The following SLC27A6 variants were observed in gnomAD, a reference collection of about 807,000 sequenced individuals.
SLC27A6 encodes the protein solute carrier family 27 member 6.
Under a neutral mutation model 63.9 loss-of-function variants are expected in SLC27A6, and 74 were observed. The ratio of observed to expected loss-of-function variants is 1.16; its 90% confidence interval spans 0.96 to 1.40. The LOEUF is 1.40. SLC27A6 is among the 40% of genes most tolerant of loss of function. The pLI is 0.00. For synonymous variants in SLC27A6, 287 were observed against 260.8 expected (o/e 1.10, Z -0.97); for missense variants, 794 against 732.9 (o/e 1.08, Z -0.96).
At position 129,015,951 on chromosome 5, in the gene SLC27A6, A is replaced by G; in HGVS notation, c.1036A>G (p.Arg346Gly). Residue 346 changes from arginine (R) to glycine (G), a missense_variant, in exon 5 of 10, where the codon AGA (arginine) becomes GGA (glycine). Coordinates refer to ENST00000262462, the MANE Select transcript of SLC27A6 (RefSeq NM_001017372.3). ...AAATGGCATACGGAGTGATGTATGGAGAGAATTTTTAGACAGATTTGGAAA... is the reference window on the plus strand; with the variant it reads ...AAATGGCATACGGAGTGATGTATGGGGAGAATTTTTAGACAGATTTGGAAA... The part of the protein sequence containing the change: ...IGNGIRSDVW[R>G]EFLDRFGNIK... 1.9e-6 allele frequency: 3 copies of G among 1,609,170 alleles called. No individual in the cohort carries two copies. Among genetic ancestry groups the G allele is most frequent in the Non-Finnish European group, 2.5e-6 (3 of 1,178,048 alleles).
At chr5:129,023,469 C>T (rs1752138157) in intron 5 of SLC27A6, 151 bp from the exon 6 acceptor site, 3 of 496,480 alleles carry the variant, frequency 6.0e-6, no homozygotes, top group Non-Finnish European at 1.1e-5. Flanking sequence ...TTTAATTTGT[C>T]TTCAGTAAAA....
intron 5 of SLC27A6, among the ~76,000 whole-genome samples, chr5:129,018,343 C>G (rs904051283): frequency 6.6e-6 from 1 of 152,020 alleles, no homozygotes; most frequent in African/African-American, 2.4e-5. Context: ...TGATTTTTTT[C>G]AGTATCTGGA....
intron 1 of SLC27A6, among the ~76,000 whole-genome samples, chr5:128,976,861 G>GC (rs1561611479): frequency 6.6e-6 from 1 of 152,204 alleles, no homozygotes; most frequent in East Asian, 1.9e-4. Context: ...TAATTGAATA[G>GC]TTTTTTAAAG....
At chr5:128,983,633 C>A (rs1208070025) in intron 1 of SLC27A6, among the ~76,000 whole-genome samples, 4 of 152,094 alleles carry the variant, frequency 2.6e-5, no homozygotes, top group South Asian at 2.1e-4. Flanking sequence ...ATTATTTTTT[C>A]TTTTTTGCCA....
intron 4 of SLC27A6, among the ~76,000 whole-genome samples, chr5:129,005,637 G>C (rs1751496112): frequency 9.1e-6 from 1 of 109,470 alleles, no homozygotes; most frequent in African/African-American, 3.7e-5. Context: ...TTGCGAGACA[G>C]AGTCTCGCTC....
intron 1 of SLC27A6, among the ~76,000 whole-genome samples, chr5:128,972,133 C>T (rs1750191647): frequency 6.6e-6 from 1 of 152,178 alleles, no homozygotes; most frequent in Non-Finnish European, 1.5e-5. Flanking sequence ...AAGAGATCAG[C>T]TGTTAGTCTG....
At chr5:128,992,113 ATTGCCC>A (rs1443688463) in intron 4 of SLC27A6, among the ~76,000 whole-genome samples, 7 of 142,994 alleles carry the variant, frequency 4.9e-5, no homozygotes, top group African/African-American at 1.7e-4. Context: ...AGAGTAGGAT[ATTGCCC>A]TACGTGGGGT....
At chr5:128,999,626 TAC>T (rs1175696432) in intron 4 of SLC27A6, among the ~76,000 whole-genome samples, 6 of 152,200 alleles carry the variant, frequency 3.9e-5, no homozygotes, top group Non-Finnish European at 7.3e-5. Flanking sequence ...TCCAACTTTT[TAC>T]ACCCCGCTAG....
intron 4 of SLC27A6, among the ~76,000 whole-genome samples, chr5:129,010,012 G>A (rs1380645875): frequency 6.6e-6 from 1 of 152,114 alleles, no homozygotes. Context: ...AACATGTTAC[G>A]TGTTTTTAAT....
At chr5:128,997,773 C>T (rs1751207408) in intron 4 of SLC27A6, among the ~76,000 whole-genome samples, 2 of 152,146 alleles carry the variant, frequency 1.3e-5, no homozygotes, top group Non-Finnish European at 2.9e-5. Context: ...TCTGATAGTG[C>T]ATTGGCTACG....
intron 9 of SLC27A6, among the ~76,000 whole-genome samples, chr5:129,032,310 C>T (rs1014066727): frequency 4.6e-5 from 7 of 151,990 alleles, no homozygotes; most frequent in Non-Finnish European, 7.4e-5. Flanking sequence ...CAAATAACCA[C>T]AATCAGTCAC....
At chr5:129,031,321 T>G (rs1167871917) in intron 9 of SLC27A6, among the ~76,000 whole-genome samples, 1 of 152,032 alleles carries the variant, frequency 6.6e-6, no homozygotes, top group East Asian at 1.9e-4. Flanking sequence ...AAGTTACTTC[T>G]GACAAAATGA....
At chr5:128,985,422 G>A (rs1750754402) in intron 2 of SLC27A6, 86 bp downstream of exon 2, 2 of 1,063,836 alleles carry the variant, frequency 1.9e-6, no homozygotes, top group African/African-American at 1.6e-5. Flanking sequence ...CATGTGTAGT[G>A]ACCAACCATC....
rs962786725 is a variant in SLC27A6, at chr5:128,987,373, TTTTG to T, written c.686-1219_686-1216del. Among the ~76,000 whole-genome samples the T allele has an allele frequency of 5.9e-5, 9 of 152,240 alleles. No individual in the cohort carries two copies. The East Asian group carries it at 1.4e-3, about 23-fold the overall frequency. On this transcript the variant is annotated intron_variant, in intron 2 of 9. Transcript: ENST00000262462. The stretch of plus-strand genomic sequence containing the variant: ...TCAGACACAGAGATTCTAGTTAATA[TTTTG>T]TTTGTTTATTTTGTGTTTTTGTGTC...
intron 7 of SLC27A6, among the ~76,000 whole-genome samples, chr5:129,027,828 C>G (rs1037654258): frequency 6.6e-6 from 1 of 151,946 alleles, no homozygotes; most frequent in African/African-American, 2.4e-5. Context: ...ATGTTATAAG[C>G]TCACTTTATA....
At chr5:128,990,059 C>T (rs908136241) in intron 3 of SLC27A6, among the ~76,000 whole-genome samples, 1 of 152,110 alleles carries the variant, frequency 6.6e-6, no homozygotes, top group Middle Eastern at 3.2e-3. Flanking sequence ...TAGCCATGCT[C>T]TAATACTTTA....
rs1752472152 is a variant in SLC27A6, at chr5:129,033,384, A to G, written c.*102A>G. The G allele has an allele frequency of 1.7e-6, 1 of 585,372 alleles. No homozygotes were observed. The highest frequency in any genetic ancestry group is 3.1e-5 in the South Asian group (1 of 32,096). The allele number at this position is 585,372 out of a possible 1,614,324, so 36.3% of individuals were successfully genotyped here. ...GAAAGGGAGCTAACATTAATTATGC[A>G]TGTACTATATTTCCTTAATATGAGA... On this transcript the variant is annotated 3_prime_UTR_variant, in exon 10 of 10. Coordinates refer to ENST00000262462, the MANE Select transcript of SLC27A6 (RefSeq NM_001017372.3).
At position 128,971,791 on chromosome 5, in the gene SLC27A6, C is replaced by T. The variant is rs144630533; in HGVS notation, c.481+5173C>T. The stretch of plus-strand genomic sequence containing the variant: ...AATGCTAATATTGTTATGTGTGAGT[C>T]TGATCCTATCATTATGATTTTAGCT... On this transcript the variant is annotated intron_variant, in intron 1 of 9. Coordinates refer to ENST00000262462, the MANE Select transcript of SLC27A6 (RefSeq NM_001017372.3). 5.8e-4 allele frequency among the ~76,000 whole-genome samples: 89 copies of T among 152,238 alleles called. No homozygotes were observed. The East Asian group carries it at 0.015, about 26-fold the overall frequency.
At chr5:129,003,960 C>A (rs868018444) in intron 4 of SLC27A6, among the ~76,000 whole-genome samples, 3 of 135,018 alleles carry the variant, frequency 2.2e-5, no homozygotes, top group Non-Finnish European at 4.7e-5. Flanking sequence ...ACAGTGAGAC[C>A]CTGTCTCAAA....
Sources: allele counts gnomAD v4.1 joint callset (sites outside exome capture counted in the v4.1 genomes callset), GRCh38; gene constraint gnomAD v4.1.1; transcripts MANE v1.5; gene names NCBI Gene and HGNC (gene_info 2026-07-23, HGNC 2026-07-21).